The following FHIT variants were observed in gnomAD, a reference collection of about 807,000 sequenced individuals.
FHIT encodes the protein fragile histidine triad diadenosine triphosphatase.
A neutral mutation model predicts 17.9 loss-of-function variants in FHIT; 19 were observed. That is an observed-to-expected ratio of 1.06 (90% CI 0.74 to 1.56). The LOEUF (loss-of-function observed/expected upper bound fraction) is 1.56. FHIT is among the 40% of genes most tolerant of loss of function. FHIT has a pLI of 0.00. For missense variants in FHIT, 248 were observed against 189.2 expected (o/e 1.31, Z -1.82); for synonymous variants, 81 against 69.7 (o/e 1.16, Z -0.81).
chr3:60,777,997 T>C (rs1349810664), intron 4 of FHIT, among the ~76,000 whole-genome samples: 1 of 152,192 alleles, frequency 6.6e-6, no homozygotes, highest in Non-Finnish European at 1.5e-5. Flanking sequence ...GCTTTTCAAA[T>C]ACTTCAGAGG....
At chr3:60,453,940 G>C (rs954578929) in intron 5 of FHIT, among the ~76,000 whole-genome samples, 10 of 152,048 alleles carry the variant, frequency 6.6e-5, no homozygotes, top group Non-Finnish European at 1.2e-4. Flanking sequence ...AGATAATGCT[G>C]AGTAATGGGT....
intron 4 of FHIT, among the ~76,000 whole-genome samples, chr3:60,591,023 T>C (rs1203383813): frequency 6.6e-6 from 1 of 151,990 alleles, no homozygotes; most frequent in Non-Finnish European, 1.5e-5. Context: ...CCCATGAAAG[T>C]CAGCAATAGT....
At chr3:60,197,591 G>C (rs1702705146) in intron 5 of FHIT, among the ~76,000 whole-genome samples, 1 of 152,102 alleles carries the variant, frequency 6.6e-6, no homozygotes, top group South Asian at 2.1e-4. Flanking sequence ...ACCTATGTTT[G>C]GTAACACTAT....
chr3:60,581,162 G>A (rs1553659576), intron 4 of FHIT, among the ~76,000 whole-genome samples: 1 of 152,052 alleles, frequency 6.6e-6, no homozygotes, highest in Non-Finnish European at 1.5e-5. Context: ...TTATGTATGT[G>A]AAAAGGTGCT....
At chr3:60,833,357 T>C (rs534204232) in intron 3 of FHIT, among the ~76,000 whole-genome samples, 31 of 152,312 alleles carry the variant, frequency 2.0e-4, no homozygotes, top group African/African-American at 7.5e-4. Context: ...CAGTTATTTG[T>C]CATTCTTTCA....
chr3:60,883,000 C>A (rs1294524079), intron 3 of FHIT, among the ~76,000 whole-genome samples: 1 of 151,942 alleles, frequency 6.6e-6, no homozygotes, highest in Non-Finnish European at 1.5e-5. Context: ...TAGAATGAGA[C>A]AACAAAATCA....
intron 4 of FHIT, among the ~76,000 whole-genome samples, chr3:60,769,646 G>C (rs1374699367): frequency 6.6e-6 from 1 of 152,230 alleles, no homozygotes; most frequent in African/African-American, 2.4e-5. Context: ...GGAATCAGAA[G>C]TCGGGTATAG....
intron 4 of FHIT, among the ~76,000 whole-genome samples, chr3:60,552,422 T>C (rs371259917): frequency 6.6e-6 from 1 of 152,196 alleles, no homozygotes; most frequent in Non-Finnish European, 1.5e-5. Context: ...TTAGTGGCTG[T>C]ACCATTTTAC....
chr3:60,998,042 T>C (rs1323445479), intron 3 of FHIT, among the ~76,000 whole-genome samples: 1 of 152,212 alleles, frequency 6.6e-6, no homozygotes, highest in Non-Finnish European at 1.5e-5. Context: ...TTAGCCATTT[T>C]GATGATGAAG....
At chr3:60,092,744 A>C (rs1414271334) in intron 5 of FHIT, among the ~76,000 whole-genome samples, 1 of 152,210 alleles carries the variant, frequency 6.6e-6, no homozygotes, top group Non-Finnish European at 1.5e-5. Context: ...GCACAATAAT[A>C]AAAATAATAA....
chr3:60,283,270 A>G (rs959629161), intron 5 of FHIT, among the ~76,000 whole-genome samples: 1 of 152,044 alleles, frequency 6.6e-6, no homozygotes, highest in Non-Finnish European at 1.5e-5. Context: ...TGTTTGTAGT[A>G]TCAGGAAATG....
chr3:60,879,595 A>G (rs1704860311), intron 3 of FHIT, among the ~76,000 whole-genome samples: 1 of 152,220 alleles, frequency 6.6e-6, no homozygotes, highest in Non-Finnish European at 1.5e-5. Flanking sequence ...ATGAATTGCC[A>G]GAAAAGGAAT....
At chr3:59,767,149 C>T (rs1176010831) in intron 8 of FHIT, among the ~76,000 whole-genome samples, 6 of 152,226 alleles carry the variant, frequency 3.9e-5, no homozygotes, top group African/African-American at 1.2e-4. Context: ...ATTCTGGACT[C>T]GATCCTTCAG....
chr3:60,201,272 T>C (rs1486146936), intron 5 of FHIT, among the ~76,000 whole-genome samples: 6 of 152,098 alleles, frequency 3.9e-5, no homozygotes, highest in Non-Finnish European at 8.8e-5. Context: ...CAAATGATCG[T>C]CTATGGTAGA....
chr3:60,070,460 G>A (rs1702718018), intron 5 of FHIT, among the ~76,000 whole-genome samples: 2 of 152,182 alleles, frequency 1.3e-5, no homozygotes, highest in South Asian at 4.1e-4. Context: ...CATGCATCAT[G>A]ACGATGATAC....
intron 5 of FHIT, chr3:60,080,880 C>A (rs900796045): frequency 6.6e-6 from 1 of 152,138 alleles, no homozygotes; most frequent in Non-Finnish European, 1.5e-5. Flanking sequence ...GATGACTGTT[C>A]TTGTGACCTT....
chr3:61,250,146 G>C (rs2040582904), intron 1 of FHIT, among the ~76,000 whole-genome samples: 5 of 152,220 alleles, frequency 3.3e-5, no homozygotes, highest in African/African-American at 1.2e-4. Context: ...CGTCTCCCAG[G>C]AGACATCTCG....
chr3:60,025,518 A>G (rs532268765), intron 5 of FHIT, among the ~76,000 whole-genome samples: 2 of 149,324 alleles, frequency 1.3e-5, no homozygotes, highest in Admixed American at 6.8e-5. Flanking sequence ...GCAATGTGCC[A>G]TAATTCACAA....
chr3:60,429,366 G>C (rs1021928235), intron 5 of FHIT, among the ~76,000 whole-genome samples: 6 of 152,014 alleles, frequency 3.9e-5, no homozygotes, highest in African/African-American at 1.4e-4. Flanking sequence ...TCTATTGGAA[G>C]ACTGTCCCAG....
Sources: gnomAD v4.1 joint callset for allele counts (sites outside exome capture counted in the v4.1 genomes callset) on GRCh38, gnomAD v4.1.1 for gene constraint, MANE v1.5 for transcripts, NCBI Gene and HGNC (gene_info 2026-07-23, HGNC 2026-07-21) for gene names.